ALPK3: variants seen among roughly 807,000 people sequenced by gnomAD.
ALPK3 encodes the protein alpha-protein kinase 3.
A neutral mutation model predicts 140.0 loss-of-function variants in ALPK3; 102 were observed. That is an observed-to-expected ratio of 0.73 (90% CI 0.62 to 0.86). ALPK3 has a LOEUF of 0.86. ALPK3 is among the 40% of genes least tolerant of loss of function. The probability of loss-of-function intolerance (pLI) is 0.00; values close to 1 mark genes in which losing one functional copy is unlikely to be tolerated. For synonymous variants in ALPK3, 938 were observed against 898.5 expected, an observed-to-expected ratio of 1.04 and a Z score of -0.79; for missense variants, 2,254 against 2,208.2, an observed-to-expected ratio of 1.02 and a Z score of -0.42.
rs1337987602 is a variant in ALPK3, at chr15:84,839,823, T to G, written c.544T>G (p.Phe182Val). ...TGAGTACAAGATCCACCAGCGCTGGTTCGCCAAGTTGAAGCGCAAGGCTGC... is the reference window on the plus strand; with the variant it reads ...TGAGTACAAGATCCACCAGCGCTGGGTCGCCAAGTTGAAGCGCAAGGCTGC... Reference protein sequence around the residue: ...MTEYKIHQRWFAKLKRKAAAK... With the variant: ...MTEYKIHQRWVAKLKRKAAAK... The change falls in exon 5 of 14, where the codon TTC becomes GTC. Residue 182 changes from phenylalanine to valine, a missense_variant. Physicochemically the swap from Phe to Val is conservative, Grantham distance 50 (BLOSUM62 -1). This residue lies in a region of ALPK3 where 2,088 missense variants were observed against 2,022.9 expected (regional missense o/e 1.03). Transcript: ENST00000258888. 1 of 1,613,862 alleles carries G rather than the reference T, an allele frequency of 6.2e-7. No individual in the cohort carries two copies. The highest frequency in any genetic ancestry group is 1.7e-5 in the Admixed American group (1 of 60,012).
chr15:84,830,804 C>T (rs1276273927), intron 3 of ALPK3, among the ~76,000 whole-genome samples: 1 of 152,126 alleles, frequency 6.6e-6, no homozygotes. Context: ...CTCAGGTGAT[C>T]CTCCTGCCTC....
At chr15:84,823,490 G>C in intron 2 of ALPK3, 122 bp downstream of exon 2, 2 of 1,136,038 alleles carry the variant, frequency 1.8e-6, no homozygotes, top group South Asian at 2.7e-5. Flanking sequence ...GAGCTGGAGG[G>C]TGGGTGGGGA....
Position 84,868,859 on chromosome 15 carries a change from C to T in ALPK3, c.*403C>T. ...TACAATCTGAGTGAGGACATGCAGG[C>T]CAACTTTTACCCTCCTGCATTTGCC... On this transcript the variant is annotated 3_prime_UTR_variant, in exon 14 of 14. Transcript: ENST00000258888. The T allele has an allele frequency of 4.8e-6, 1 of 206,280 alleles. No homozygotes were observed. The highest frequency in any genetic ancestry group is 9.9e-6 in the Non-Finnish European group (1 of 100,552). 12.8% of individuals were successfully genotyped at this position (206,280 alleles called of 1,614,324 possible).
At position 84,857,569 on chromosome 15, in the gene ALPK3, G is replaced by A. The variant is rs558514709; in HGVS notation, c.2831G>A (p.Gly944Glu). Residue 944 changes from glycine (G) to glutamate (E), a missense_variant, in exon 6 of 14, where the codon GGG (glycine) becomes GAG (glutamate). Gly to Glu is a moderately conservative substitution (Grantham distance 98). This residue lies in a region of ALPK3 where 2,088 missense variants were observed against 2,022.9 expected (regional missense o/e 1.03). Transcript: ENST00000258888. ...TGCGCCCAGGTACCAGATGTGGAGG[G>A]GCGGACCCCAGGTCCCCGGAGCTGT... ...GACAQVPDVE[G>E]RTPGPRSCDP... The A allele has an allele frequency of 2.6e-5, 41 of 1,576,072 alleles. No homozygotes were observed. The African/African-American group carries it at 4.4e-4, about 17-fold the overall frequency.
At chr15:84,827,379 A>G in intron 2 of ALPK3, 105 bp from the exon 3 acceptor site, 4 of 1,517,470 alleles carry the variant, frequency 2.6e-6, no homozygotes, top group Non-Finnish European at 2.7e-6. Context: ...CTCTGGCCAC[A>G]GGAAGATGGG....
At chr15:84,823,663 G>A (rs1963453928) in intron 2 of ALPK3, among the ~76,000 whole-genome samples, 1 of 152,114 alleles carries the variant, frequency 6.6e-6, no homozygotes, top group African/African-American at 2.4e-5. Context: ...AGACACCATG[G>A]GAACAGAACA....
At chr15:84,836,410 A>G (rs56082456) in intron 3 of ALPK3, among the ~76,000 whole-genome samples, 72,306 of 152,106 alleles carry the variant, frequency 0.48, 18,775 homozygotes, top group East Asian at 0.79. Context: ...GGAGGTTATT[A>G]AAGAAATTGA....
At chr15:84,850,724 A>G (rs1435098883) in intron 5 of ALPK3, among the ~76,000 whole-genome samples, 2 of 152,088 alleles carry the variant, frequency 1.3e-5, no homozygotes, top group Non-Finnish European at 2.9e-5. Flanking sequence ...TTTATGAGGG[A>G]AGAGGGAAAA....
intron 3 of ALPK3, among the ~76,000 whole-genome samples, chr15:84,835,291 A>C (rs1438805628): frequency 1.3e-5 from 2 of 152,138 alleles, no homozygotes; most frequent in African/African-American, 2.4e-5. Context: ...GGCTCGCTTT[A>C]CAGCCAGGGC....
chr15:84,858,847 G>A (rs973476023), intron 6 of ALPK3, among the ~76,000 whole-genome samples: 7 of 152,202 alleles, frequency 4.6e-5, no homozygotes, highest in African/African-American at 1.7e-4. Context: ...TAGCGTTCTA[G>A]CTCTCCATCA....
At position 84,856,406 on chromosome 15, in the gene ALPK3, G is replaced by T; in HGVS notation, c.1668G>T (p.Gln556His). The T allele has an allele frequency of 5.6e-6, 9 of 1,597,440 alleles. No individual in the cohort carries two copies. The highest frequency in any genetic ancestry group is 7.7e-6 in the Non-Finnish European group (9 of 1,173,326). Residue 556 changes from glutamine to histidine, a missense_variant, in exon 6 of 14, where the codon CAG (glutamine) becomes CAT (histidine). Around this residue, in one of 3 missense-constraint regions of ALPK3, gnomAD observed 2,088 missense variants for 2,022.9 expected, o/e 1.03. Transcript: ENST00000258888. ...TCTGTTTTCAGGTCCTGGAATGCCA[G>T]ACAACCACGGCTCCTACCATGTCGG... ...HRTPGEVLEC[Q>H]TTTAPTMSAS...
At chr15:84,860,199 A>G (rs893231092) in intron 9 of ALPK3, 127 bp downstream of exon 9, 16 of 1,205,936 alleles carry the variant, frequency 1.3e-5, no homozygotes, top group Admixed American at 9.5e-5. Flanking sequence ...AGTTTAGGAT[A>G]TGGCTTGGGA....
Position 84,867,431 on chromosome 15 carries a change from C to T in ALPK3, c.4772+66C>T, listed in dbSNP as rs1221093081. ...CTCAGGGTGTAAAATGTCCTAAGCCCTTCTGGTTCTCCATCCCTGAGGTGC... is the reference window on the plus strand; with the variant it reads ...CTCAGGGTGTAAAATGTCCTAAGCCTTTCTGGTTCTCCATCCCTGAGGTGC... On this transcript the variant is annotated intron_variant, in intron 13 of 13. Transcript: ENST00000258888. The T allele has an allele frequency of 4.4e-6, 7 of 1,581,414 alleles. No homozygotes were observed. In the Admixed American group the frequency reaches 5.0e-5, roughly 11 times the overall value.
chr15:84,852,590 G>C (rs116262876), intron 5 of ALPK3: 2 of 301,658 alleles, frequency 6.6e-6, no homozygotes, highest in Non-Finnish European at 1.3e-5. Context: ...AGAGCTCTTG[G>C]TTTTGCAGCC....
At chr15:84,856,242 C>A in intron 5 of ALPK3, 150 bp from the exon 6 acceptor site, 1 of 1,143,840 alleles carries the variant, frequency 8.7e-7, no homozygotes, top group Non-Finnish European at 1.2e-6. Flanking sequence ...ATGTCTTTGC[C>A]TCCCAACTTC....
At chr15:84,842,090 G>C (rs1963673112) in intron 5 of ALPK3, among the ~76,000 whole-genome samples, 1 of 152,214 alleles carries the variant, frequency 6.6e-6, no homozygotes, top group Non-Finnish European at 1.5e-5. Context: ...GTGCAGTACA[G>C]TGGTGCGATC....
In ALPK3 at chr15:84,858,319, G is replaced by A. The variant is rs543260061; in HGVS notation, c.3581G>A (p.Arg1194Gln). 7.0e-5 allele frequency: 110 copies of A among 1,563,094 alleles called. No homozygotes were observed. The highest frequency in any genetic ancestry group is 8.1e-5 in the Non-Finnish European group (94 of 1,154,038). The change falls in exon 6 of 14, where the codon CGG becomes CAG. Residue 1194 changes from arginine (R) to glutamine (Q), a missense_variant. By Grantham distance (43) the Arg-to-Gln change is conservative (BLOSUM62 1). This residue lies in a region of ALPK3 where 2,088 missense variants were observed against 2,022.9 expected (regional missense o/e 1.03). Coordinates refer to ENST00000258888, the MANE Select transcript of ALPK3 (RefSeq NM_020778.5). The part of the protein sequence containing the change: ...EERESPTVSP[R>Q]GPRKSLVPGS... ...AGGGAGAGCCCCACGGTTTCCCCCC[G>A]GGGGCCCAGGAAAAGCCTGGTGCCT...
In ALPK3 at chr15:84,822,001, C is replaced by T. The variant is rs543291200; in HGVS notation, c.144-1329C>T. ...GGAAGTAGAGGGAATCTGGTTGCAG[C>T]GGGAGTGTGAGTAGATCAGGGAGGG... On this transcript the variant is annotated intron_variant, in intron 1 of 13. Coordinates refer to ENST00000258888, the MANE Select transcript of ALPK3 (RefSeq NM_020778.5). Among the ~76,000 whole-genome samples, 4 of 152,086 alleles carry T rather than the reference C, an allele frequency of 2.6e-5. No individual in the cohort carries two copies. The East Asian group carries it at 5.8e-4, about 22-fold the overall frequency.
rs759101150 is a variant in ALPK3, at chr15:84,863,577, G to C, written c.4436G>C (p.Arg1479Pro). 5 of 1,614,014 alleles carry C rather than the reference G, an allele frequency of 3.1e-6. No homozygotes were observed. The highest frequency in any genetic ancestry group is 4.2e-6 in the Non-Finnish European group (5 of 1,179,966). The change falls in exon 11 of 14, where the codon CGG becomes CCG. Residue 1479 changes from arginine to proline, a missense_variant. Physicochemically the swap from Arg to Pro is moderately radical, Grantham distance 103. Coordinates refer to ENST00000258888, the MANE Select transcript of ALPK3 (RefSeq NM_020778.5). ...GGGTGCAAGATCCAGAACATGAGTC[G>C]GGAGTACTGCAAAATCTTCGCAGCA... Reference protein sequence around the residue: ...IQGCKIQNMSREYCKIFAAEA... With the variant: ...IQGCKIQNMSPEYCKIFAAEA...
Sources: allele counts gnomAD v4.1 joint callset (sites outside exome capture counted in the v4.1 genomes callset), GRCh38; gene constraint gnomAD v4.1.1; regional missense constraint gnomAD v4.1.1; transcripts MANE v1.5; gene names NCBI Gene and HGNC (gene_info 2026-07-23, HGNC 2026-07-21).